CNTLN: variants seen among roughly 807,000 people sequenced by gnomAD.
The protein encoded by CNTLN is centlein.
Under a neutral mutation model 180.0 loss-of-function variants are expected in CNTLN, and 212 were observed. That is an observed-to-expected ratio of 1.18 (90% CI 1.05 to 1.32). The LOEUF is 1.32. Among genes scored for constraint, CNTLN ranks in the 40% most tolerant of loss-of-function variants. CNTLN has a pLI of 0.00. For missense variants in CNTLN, 2,095 were observed against 1,610.9 expected (o/e 1.30, Z -5.14); for synonymous variants, 722 against 563.1 (o/e 1.28, Z -3.99).
chr9:17,485,027 T>C (rs1832826595), intron 24 of CNTLN, among the ~76,000 whole-genome samples: 1 of 152,170 alleles, frequency 6.6e-6, no homozygotes, highest in Non-Finnish European at 1.5e-5. Flanking sequence ...AGGCATAGTC[T>C]TTAATAGCAT....
chr9:17,205,065 T>G (rs1042234110), intron 2 of CNTLN, among the ~76,000 whole-genome samples: 1 of 152,124 alleles, frequency 6.6e-6, no homozygotes, highest in Admixed American at 6.5e-5. Context: ...CAGGTCGACT[T>G]CAGACTGCTG....
At chr9:17,365,267 TC>T (rs1304152960) in intron 12 of CNTLN, among the ~76,000 whole-genome samples, 1 of 152,172 alleles carries the variant, frequency 6.6e-6, no homozygotes, top group African/African-American at 2.4e-5. Context: ...TGTGCTCTTT[TC>T]CTCCTGTTCC....
intron 5 of CNTLN, among the ~76,000 whole-genome samples, chr9:17,273,477 TTTATACA>T: frequency 6.6e-6 from 1 of 152,296 alleles, no homozygotes; most frequent in Middle Eastern, 3.4e-3. Flanking sequence ...AACTACATTT[TTTATACA>T]TATCTTCTAG....
In CNTLN at chr9:17,368,125, A is replaced by C. The variant is rs192213330; in HGVS notation, c.1987+1408A>C. ...CCAGAGGGAAACCCATTGCACTGAA[A>C]GGTGAGTCCCAGGCCTGGCAGCATT... On this transcript the variant is annotated intron_variant, in intron 13 of 25. Transcript: ENST00000380647. 1.2e-3 allele frequency among the ~76,000 whole-genome samples: 177 copies of C among 150,488 alleles called. 1 individual carries two copies. The highest frequency in any genetic ancestry group is 2.0e-3 in the Admixed American group (31 of 15,132).
chr9:17,298,103 C>G, intron 6 of CNTLN, 87 bp from the exon 7 acceptor site: 1 of 1,155,196 alleles, frequency 8.7e-7, no homozygotes, highest in Non-Finnish European at 1.1e-6. Context: ...AAACAGGATG[C>G]CAATCTGTAA....
chr9:17,381,019 A>G (rs547218649), intron 13 of CNTLN, among the ~76,000 whole-genome samples: 6 of 152,346 alleles, frequency 3.9e-5, no homozygotes, highest in African/African-American at 1.4e-4. Context: ...TGGCTAAAGC[A>G]AGTCTTCTTA....
chr9:17,492,677 C>G (rs1833228167), intron 25 of CNTLN, among the ~76,000 whole-genome samples: 1 of 152,268 alleles, frequency 6.6e-6, no homozygotes, highest in South Asian at 2.1e-4. Flanking sequence ...AACGCTATGG[C>G]AGTTCCTCCA....
At chr9:17,306,439 G>A (rs974091997) in intron 7 of CNTLN, among the ~76,000 whole-genome samples, 1 of 152,128 alleles carries the variant, frequency 6.6e-6, no homozygotes, top group East Asian at 1.9e-4. Context: ...GTGAGCCAAC[G>A]TGCCTGACCA....
intron 12 of CNTLN, among the ~76,000 whole-genome samples, chr9:17,359,650 G>A (rs1450317078): frequency 1.4e-5 from 2 of 147,902 alleles, no homozygotes; most frequent in Non-Finnish European, 3.0e-5. Flanking sequence ...GGGAGGCCGA[G>A]TCGGGTGGAT....
At chr9:17,249,838 G>C (rs1289165472) in intron 5 of CNTLN, among the ~76,000 whole-genome samples, 2 of 149,410 alleles carry the variant, frequency 1.3e-5, no homozygotes, top group East Asian at 3.9e-4. Context: ...TACTTGAGTA[G>C]CACGTTTATT....
chr9:17,298,429 C>G, intron 7 of CNTLN, 77 bp downstream of exon 7: 1 of 1,314,090 alleles, frequency 7.6e-7, no homozygotes. Context: ...CAGATTTTTT[C>G]AAATTTCAGC....
At chr9:17,419,978 A>C (rs1239392641) in intron 18 of CNTLN, among the ~76,000 whole-genome samples, 1 of 152,130 alleles carries the variant, frequency 6.6e-6, no homozygotes, top group Non-Finnish European at 1.5e-5. Context: ...GCAGTGGCGC[A>C]ATCTCGGCTC....
chr9:17,290,443 A>G (rs1046816406), intron 6 of CNTLN, among the ~76,000 whole-genome samples: 2 of 148,398 alleles, frequency 1.3e-5, no homozygotes, highest in East Asian at 3.9e-4. Flanking sequence ...AAGTCTGCAG[A>G]GGTTACTGCT....
intron 18 of CNTLN, among the ~76,000 whole-genome samples, chr9:17,435,881 C>G (rs769967028): frequency 6.6e-6 from 1 of 152,006 alleles, no homozygotes; most frequent in Non-Finnish European, 1.5e-5. Context: ...TCCTTTTTTA[C>G]GGGCACACTT....
At chr9:17,327,884 CAG>C (rs1287836764) in intron 8 of CNTLN, among the ~76,000 whole-genome samples, 1 of 151,654 alleles carries the variant, frequency 6.6e-6, no homozygotes, top group Non-Finnish European at 1.5e-5. Flanking sequence ...ATTCAGGAGG[CAG>C]AGGTTGCAGT....
intron 25 of CNTLN, among the ~76,000 whole-genome samples, chr9:17,500,784 AGTACTGCG>A (rs1833707420): frequency 1.6e-5 from 1 of 63,560 alleles, no homozygotes; most frequent in Admixed American, 1.4e-4. Context: ...GAATGCGTGT[AGTACTGCG>A]TGACATCATT....
chr9:17,476,778 A>G (rs1002219812), intron 23 of CNTLN, among the ~76,000 whole-genome samples: 1 of 152,236 alleles, frequency 6.6e-6, no homozygotes, highest in Non-Finnish European at 1.5e-5. Context: ...ACATAACCTA[A>G]GAATACAAGG....
At position 17,311,326 on chromosome 9, in the gene CNTLN, C is replaced by T. The variant is rs564525949; in HGVS notation, c.1341+2074C>T. Among the ~76,000 whole-genome samples the T allele has an allele frequency of 2.6e-5, 4 of 151,844 alleles. No homozygotes were observed. The East Asian group carries it at 7.8e-4, about 30-fold the overall frequency. ...AGGCATGAGCCACCGTGCCTGGCCA[C>T]CTCTTAATTTTAATTTAGGCGGATT... On this transcript the variant is annotated intron_variant, in intron 8 of 25. Transcript: ENST00000380647.
intron 22 of CNTLN, among the ~76,000 whole-genome samples, chr9:17,466,386 A>G (rs1457534146): frequency 1.3e-5 from 2 of 151,446 alleles, no homozygotes; most frequent in Non-Finnish European, 3.0e-5. Context: ...ATACAAGTAG[A>G]TCTAAATTTT....
Sources: gnomAD v4.1 joint callset for allele counts (sites outside exome capture counted in the v4.1 genomes callset) on GRCh38, gnomAD v4.1.1 for gene constraint, MANE v1.5 for transcripts, NCBI Gene and HGNC (gene_info 2026-07-23, HGNC 2026-07-21) for gene names.